RBMS3: variants seen among roughly 807,000 people sequenced by gnomAD.
RBMS3 encodes the protein RNA-binding motif, single-stranded-interacting protein 3.
Under a neutral mutation model 66.8 loss-of-function variants are expected in RBMS3, and 27 were observed. That is an observed-to-expected ratio of 0.40 (90% CI 0.30 to 0.56). The LOEUF is 0.56. Among genes scored for constraint, RBMS3 ranks in the 20% least tolerant of loss-of-function variants. The pLI, the probability that RBMS3 is intolerant of heterozygous loss-of-function variation, is 0.40. For synonymous variants in RBMS3, 188 were observed against 183.0 expected (o/e 1.03, Z -0.22); for missense variants, 513 against 549.5 (o/e 0.93, Z 0.66).
intron 9 of RBMS3, among the ~76,000 whole-genome samples, chr3:29,898,953 G>A (rs2060190159): frequency 6.6e-6 from 1 of 151,576 alleles, no homozygotes; most frequent in African/African-American, 2.4e-5. Flanking sequence ...AATGATCGAT[G>A]TTGTTGATTC....
chr3:29,450,322 C>G (rs530600095), intron 2 of RBMS3, among the ~76,000 whole-genome samples: 126 of 152,320 alleles, frequency 8.3e-4, no homozygotes, highest in African/African-American at 2.8e-3. Context: ...GCTCCATGGT[C>G]TGGCAAGTCC....
chr3:29,326,208 G>A (rs1234590802), intron 1 of RBMS3, among the ~76,000 whole-genome samples: 2 of 151,978 alleles, frequency 1.3e-5, no homozygotes, highest in Non-Finnish European at 2.9e-5. Context: ...TCTTCTCACT[G>A]GCTACATAAT....
chr3:29,505,486 A>T (rs1576041615), intron 3 of RBMS3, among the ~76,000 whole-genome samples: 2 of 146,356 alleles, frequency 1.4e-5, no homozygotes, highest in African/African-American at 5.1e-5. Flanking sequence ...GAAGTCATGT[A>T]GTGTGATGCC....
At chr3:29,546,087 G>A (rs543284081) in intron 3 of RBMS3, among the ~76,000 whole-genome samples, 220 of 148,472 alleles carry the variant, frequency 1.5e-3, no homozygotes, top group Non-Finnish European at 2.6e-3. Flanking sequence ...TATGTTGCTG[G>A]CACTGTTTGA....
intron 2 of RBMS3, among the ~76,000 whole-genome samples, chr3:29,484,093 AAG>A (rs1259244553): frequency 1.3e-5 from 2 of 152,322 alleles, no homozygotes; most frequent in East Asian, 3.9e-4. Flanking sequence ...TTAGATGAGA[AAG>A]AGCTTGAAGG....
At chr3:29,718,574 A>G (rs56179212) in intron 4 of RBMS3, among the ~76,000 whole-genome samples, 44,321 of 151,654 alleles carry the variant, frequency 0.29, 6,549 homozygotes, top group East Asian at 0.41. Context: ...TTATTGTTCA[A>G]CTTCCATACT....
intron 6 of RBMS3, among the ~76,000 whole-genome samples, chr3:29,776,773 A>G (rs1392706176): frequency 6.6e-6 from 1 of 151,952 alleles, no homozygotes; most frequent in Non-Finnish European, 1.5e-5. Flanking sequence ...TACATGGGGT[A>G]TATAAGGTAC....
intron 4 of RBMS3, among the ~76,000 whole-genome samples, chr3:29,694,834 G>A (rs2052190416): frequency 6.6e-6 from 1 of 151,670 alleles, no homozygotes; most frequent in South Asian, 2.1e-4. Flanking sequence ...ATCTAGCAAA[G>A]TAAAAAGCTG....
intron 4 of RBMS3, among the ~76,000 whole-genome samples, chr3:29,593,921 A>T (rs2047854585): frequency 6.6e-6 from 1 of 152,358 alleles, no homozygotes; most frequent in South Asian, 2.1e-4. Flanking sequence ...AACCAGTTAC[A>T]GTTACAAAAT....
At chr3:29,540,776 G>T (rs1294218696) in intron 3 of RBMS3, among the ~76,000 whole-genome samples, 6 of 152,164 alleles carry the variant, frequency 3.9e-5, no homozygotes, top group African/African-American at 1.4e-4. Flanking sequence ...TACTGACACA[G>T]GCCTATGGGT....
At chr3:29,420,978 T>A (rs1446465765) in intron 1 of RBMS3, among the ~76,000 whole-genome samples, 1 of 144,832 alleles carries the variant, frequency 6.9e-6, no homozygotes, top group Non-Finnish European at 1.5e-5. Flanking sequence ...CTGGGCGTGG[T>A]GGCGGGCGCC....
intron 4 of RBMS3, among the ~76,000 whole-genome samples, chr3:29,591,754 T>G (rs2047746881): frequency 6.6e-6 from 1 of 152,226 alleles, no homozygotes; most frequent in Non-Finnish European, 1.5e-5. Context: ...ATTTGCTTTC[T>G]GTCGATTCCA....
At chr3:29,494,357 C>G (rs1265831931) in intron 3 of RBMS3, among the ~76,000 whole-genome samples, 2 of 152,182 alleles carry the variant, frequency 1.3e-5, no homozygotes, top group Non-Finnish European at 2.9e-5. Flanking sequence ...TTATCAGGAA[C>G]TTTCAACATA....
At chr3:29,661,864 C>T (rs986645251) in intron 4 of RBMS3, among the ~76,000 whole-genome samples, 3 of 152,074 alleles carry the variant, frequency 2.0e-5, no homozygotes, top group Non-Finnish European at 2.9e-5. Flanking sequence ...GCATGATGCC[C>T]CCAACTTAGT....
chr3:29,592,517 G>A (rs1409158766), intron 4 of RBMS3, among the ~76,000 whole-genome samples: 4 of 152,182 alleles, frequency 2.6e-5, no homozygotes, highest in Admixed American at 2.6e-4. Flanking sequence ...AACAGGTGCT[G>A]GAGAGGATGT....
chr3:29,488,420 TTTTC>T lies in RBMS3; in HGVS notation c.249-19_249-16del, dbSNP rs1162225821. 1.3e-6 allele frequency: 2 copies of T among 1,535,782 alleles called. No individual in the cohort carries two copies. The highest frequency in any genetic ancestry group is 1.8e-6 in the Non-Finnish European group (2 of 1,134,510). On this transcript the variant is annotated splice_polypyrimidine_tract_variant and intron_variant, in intron 2 of 14. Coordinates refer to ENST00000383767, the MANE Select transcript of RBMS3 (RefSeq NM_001003793.3). ...CAATGGGTTACAATAACATGGGTTT[TTTTC>T]TCTCTCTCTCTTTCAGGTATGGAAA... is the stretch of plus-strand genomic sequence containing the variant.
At chr3:29,774,367 C>T (rs971170887) in intron 6 of RBMS3, among the ~76,000 whole-genome samples, 3 of 151,962 alleles carry the variant, frequency 2.0e-5, no homozygotes, top group Non-Finnish European at 2.9e-5. Flanking sequence ...TGTGAGTGAG[C>T]AATCACCGGC....
At chr3:29,673,301 A>G (rs912707234) in intron 4 of RBMS3, among the ~76,000 whole-genome samples, 6 of 152,226 alleles carry the variant, frequency 3.9e-5, no homozygotes, top group African/African-American at 1.4e-4. Context: ...AGCAGGAAAG[A>G]TCTAAAATCA....
At chr3:29,284,273 G>C (rs186064865) in intron 1 of RBMS3, among the ~76,000 whole-genome samples, 2 of 152,034 alleles carry the variant, frequency 1.3e-5, no homozygotes, top group Non-Finnish European at 2.9e-5. Context: ...GGTAAAAATC[G>C]TATTCTGGTG....
Sources: allele counts gnomAD v4.1 joint callset (sites outside exome capture counted in the v4.1 genomes callset), GRCh38; gene constraint gnomAD v4.1.1; transcripts MANE v1.5; gene names NCBI Gene and HGNC (gene_info 2026-07-23, HGNC 2026-07-21).